CLVS2: variants seen among roughly 807,000 people sequenced by gnomAD.
CLVS2 encodes clavesin-2.
A neutral mutation model predicts 29.0 loss-of-function variants in CLVS2; 19 were observed. The observed-to-expected ratio is 0.66, with a 90% CI of 0.46 to 0.96. CLVS2 has a LOEUF of 0.96. Ranked by LOEUF, CLVS2 falls within the 40% of genes least tolerant of loss-of-function variation. The probability of loss-of-function intolerance (pLI) is 0.00; values close to 1 mark genes in which losing one functional copy is unlikely to be tolerated. For missense variants in CLVS2, 294 were observed against 404.1 expected, an observed-to-expected ratio of 0.73 and a Z score of 2.34; for synonymous variants, 161 against 151.3, an observed-to-expected ratio of 1.06 and a Z score of -0.47.
rs559345957 is a variant in CLVS2 at position 123,043,519 on chromosome 6, A to G, written c.565-5103A>G. 5.9e-5 allele frequency among the ~76,000 whole-genome samples: 9 copies of G among 152,294 alleles called. No homozygotes were observed. In the South Asian group the frequency reaches 1.7e-3, roughly 28 times the overall value. On this transcript the variant is annotated intron_variant, in intron 3 of 5. Transcript: ENST00000275162. The stretch of plus-strand genomic sequence containing the variant: ...GCTAAATGTTTCAAAAAAGTACAAG[A>G]AAGTGATTAAATAAAAATATTTTAA...
Position 122,997,627 on chromosome 6 carries a change from G to T in CLVS2, c.-151G>T. On this transcript the variant is annotated 5_prime_UTR_variant, in exon 2 of 6. An upstream open reading frame in the 5' UTR loses its in-frame stop. Transcript: ENST00000275162. ...GGAAAGCAGGAGCAACAGGGCACTTGATTGGACACCAAGATTATTAATTTC... is the reference window on the plus strand; with the variant it reads ...GGAAAGCAGGAGCAACAGGGCACTTTATTGGACACCAAGATTATTAATTTC... The T allele has an allele frequency of 6.8e-6, 5 of 733,886 alleles. No individual in the cohort carries two copies. The highest frequency in any genetic ancestry group is 1.1e-5 in the Non-Finnish European group (5 of 451,194). The allele number at this position is 733,886 out of a possible 1,614,324, so 45.5% of individuals were successfully genotyped here.
intron 2 of CLVS2, among the ~76,000 whole-genome samples, chr6:123,010,521 A>G (rs568017963): frequency 5.9e-5 from 9 of 152,048 alleles, no homozygotes; most frequent in Non-Finnish European, 1.3e-4. Flanking sequence ...AACTCAATAC[A>G]AGTAATTTGA....
At chr6:123,013,180 T>G (rs962974313) in intron 3 of CLVS2, among the ~76,000 whole-genome samples, 2 of 152,084 alleles carry the variant, frequency 1.3e-5, no homozygotes, top group African/African-American at 4.8e-5. Flanking sequence ...TACTTTGCAT[T>G]TGCTATGTGA....
rs9482325 is a variant in CLVS2 at position 123,033,841 on chromosome 6, C to A, written c.565-14781C>A. Among the ~76,000 whole-genome samples the A allele has an allele frequency of 5.0e-3, 756 of 152,008 alleles. 6 individuals are homozygous for A. The highest frequency in any genetic ancestry group is 0.017 in the African/African-American group (709 of 41,476). ...CTGACAAAAGACTTTTATCTAGGGT[C>A]ATATAAAAAATCATTAAAAATTCAA... On this transcript the variant is annotated intron_variant, in intron 3 of 5. Coordinates refer to ENST00000275162, the MANE Select transcript of CLVS2 (RefSeq NM_001010852.4).
At chr6:123,000,061 T>C (rs1350186861) in intron 2 of CLVS2, among the ~76,000 whole-genome samples, 3 of 152,168 alleles carry the variant, frequency 2.0e-5, no homozygotes, top group Non-Finnish European at 4.4e-5. Flanking sequence ...ACGGAGTTAA[T>C]AATTGGTATA....
intron 3 of CLVS2, among the ~76,000 whole-genome samples, chr6:123,031,614 C>T (rs887601893): frequency 6.6e-6 from 1 of 152,118 alleles, no homozygotes. Flanking sequence ...TCTACCAAAA[C>T]CCTAAGTTGT....
Position 122,997,668 on chromosome 6 carries a change from A to G in CLVS2, c.-110A>G. 1 of 1,006,674 alleles carries G rather than the reference A, an allele frequency of 9.9e-7. No individual in the cohort carries two copies. Among genetic ancestry groups the G allele is most frequent in the Admixed American group, 2.2e-5 (1 of 45,578 alleles). 62.4% of individuals were successfully genotyped at this position (1,006,674 alleles called of 1,614,324 possible). ...TATTAATTTCCTGTAGGGGAGAGGA[A>G]GCAGGCAGCAGGAGGTCTGGGGGCT... On this transcript the variant is annotated 5_prime_UTR_variant, in exon 2 of 6. Transcript: ENST00000275162.
chr6:123,010,632 A>G (rs982406965), intron 2 of CLVS2, among the ~76,000 whole-genome samples: 2 of 152,064 alleles, frequency 1.3e-5, no homozygotes, highest in Non-Finnish European at 2.9e-5. Context: ...CGAAGATATG[A>G]AATGTCAATA....
intron 3 of CLVS2, among the ~76,000 whole-genome samples, chr6:123,027,587 A>C (rs973818754): frequency 2.0e-5 from 3 of 152,114 alleles, no homozygotes; most frequent in Non-Finnish European, 4.4e-5. Context: ...TGGTGATTAC[A>C]ACTGTCTTCT....
intron 3 of CLVS2, among the ~76,000 whole-genome samples, chr6:123,011,751 A>G (rs373380592): frequency 2.0e-5 from 3 of 152,100 alleles, no homozygotes; most frequent in African/African-American, 7.2e-5. Flanking sequence ...TGGGAAACAT[A>G]TTATTATTTA....
At position 123,064,278 on chromosome 6, in the gene CLVS2, A is replaced by T. The variant is rs1279208185; in HGVS notation, c.*517A>T. On this transcript the variant is annotated 3_prime_UTR_variant, in exon 6 of 6. Transcript: ENST00000275162. Reference sequence around the variant, plus strand: ...TGATTAATGTATTTCCTGTCTAGTGATTTTCATTTCAGAGAAATGTGTCTT... The same window carrying T: ...TGATTAATGTATTTCCTGTCTAGTGTTTTTCATTTCAGAGAAATGTGTCTT... The T allele has an allele frequency of 6.6e-6, 1 of 151,962 alleles. No individual in the cohort carries two copies. The highest frequency in any genetic ancestry group is 1.5e-5 in the Non-Finnish European group (1 of 67,974). The allele number at this position is 151,962 out of a possible 1,614,324, so 9.4% of individuals were successfully genotyped here. A position where few individuals can be genotyped will look rare whatever the true frequency, so the allele number is the denominator to read the frequency against.
At position 123,018,417 on chromosome 6, in the gene CLVS2, G is replaced by A. The variant is rs932752522; in HGVS notation, c.564+7258G>A. ...TTTTTCTGTAGATACTGATGAAATTGACATGCTTGTCTTTTAAATGTCTAT... is the reference window on the plus strand; with the variant it reads ...TTTTTCTGTAGATACTGATGAAATTAACATGCTTGTCTTTTAAATGTCTAT... On this transcript the variant is annotated intron_variant, in intron 3 of 5. Coordinates refer to ENST00000275162, the MANE Select transcript of CLVS2 (RefSeq NM_001010852.4). 6.1e-4 allele frequency among the ~76,000 whole-genome samples: 92 copies of A among 151,952 alleles called. 1 individual carries two copies. Among genetic ancestry groups the A allele is most frequent in the African/African-American group, 2.1e-3 (88 of 41,396 alleles).
chr6:123,055,281 G>A (rs908912909), intron 4 of CLVS2, among the ~76,000 whole-genome samples: 6 of 150,160 alleles, frequency 4.0e-5, no homozygotes, highest in African/African-American at 1.5e-4. Context: ...CACCCACTTT[G>A]CATTATAAAA....
chr6:123,036,022 C>T (rs1775148882), intron 3 of CLVS2, among the ~76,000 whole-genome samples: 1 of 152,124 alleles, frequency 6.6e-6, no homozygotes. Context: ...GCTTGCATAT[C>T]TTCCACATGC....
intron 3 of CLVS2, among the ~76,000 whole-genome samples, chr6:123,018,181 T>C (rs1359611548): frequency 1.3e-5 from 2 of 152,130 alleles, no homozygotes; most frequent in Non-Finnish European, 2.9e-5. Flanking sequence ...GATTTCATTT[T>C]ATTGGCTATG....
intron 3 of CLVS2, among the ~76,000 whole-genome samples, chr6:123,031,400 T>C (rs1775082406): frequency 6.6e-6 from 1 of 152,150 alleles, no homozygotes; most frequent in Middle Eastern, 3.2e-3. Context: ...AGACACAAAC[T>C]TTCAGTTATG....
chr6:122,997,442 T>G lies in CLVS2; in HGVS notation c.-336T>G. The G allele has an allele frequency of 1.0e-5, 3 of 289,298 alleles. No individual in the cohort carries two copies. The highest frequency in any genetic ancestry group is 2.1e-5 in the Non-Finnish European group (3 of 144,330). The allele number at this position is 289,298 out of a possible 1,614,324, so 17.9% of individuals were successfully genotyped here. A position where few individuals can be genotyped will look rare whatever the true frequency, so the allele number is the denominator to read the frequency against. On this transcript the variant is annotated 5_prime_UTR_variant, in exon 2 of 6. Transcript: ENST00000275162. The stretch of plus-strand genomic sequence containing the variant: ...CACCCGTGCTAGGTGGAATTAGGGG[T>G]GATTTGTTAGGAAAGAGAAAGGACA...
At chr6:122,997,139 G>A (rs1314800772) in intron 1 of CLVS2, 80 bp from the exon 2 acceptor site, 1 of 163,560 alleles carries the variant, frequency 6.1e-6, no homozygotes, top group Non-Finnish European at 1.5e-5. Context: ...TTTAAAAATA[G>A]CGTCTTTGAA....
chr6:123,057,429 C>A (rs946683654), intron 5 of CLVS2, among the ~76,000 whole-genome samples: 1 of 146,952 alleles, frequency 6.8e-6, no homozygotes, highest in Non-Finnish European at 1.5e-5. Context: ...TCACTGCAAC[C>A]TCCACCTCCC....
Sources: allele counts gnomAD v4.1 joint callset (sites outside exome capture counted in the v4.1 genomes callset), GRCh38; gene constraint gnomAD v4.1.1; transcripts MANE v1.5; gene names NCBI Gene and HGNC (gene_info 2026-07-23, HGNC 2026-07-21).